The following CES2 variants were observed in gnomAD, a reference collection of about 807,000 sequenced individuals.
The protein encoded by CES2 is cocaine esterase.
A neutral mutation model predicts 52.1 loss-of-function variants in CES2; 42 were observed. The observed-to-expected ratio is 0.81, with a 90% confidence interval of 0.63 to 1.04. The LOEUF is 1.04. Among genes scored for constraint, CES2 ranks in the 50% least tolerant of loss-of-function variants. The pLI is 0.00. For synonymous variants in CES2, 277 were observed against 289.6 expected, an observed-to-expected ratio of 0.96 and a Z score of 0.44; for missense variants, 656 against 724.3, an observed-to-expected ratio of 0.91 and a Z score of 1.08.
Position 66,941,144 on chromosome 16 carries a change from C to T in CES2, c.837C>T (p.Ala279=). Residue 279 remains alanine (A), a synonymous_variant, in exon 6 of 12, where the codon GCC becomes GCT. Coordinates refer to ENST00000317091, the MANE Select transcript of CES2 (RefSeq NM_001365405.1). ...VISTVVANLS[A]CDQVDSEALV... Reference sequence around the variant, plus strand: ...TACAGGTGGTGGCCAACCTGTCTGCCTGTGACCAAGTTGACTCTGAGGCCC... The same window carrying T: ...TACAGGTGGTGGCCAACCTGTCTGCTTGTGACCAAGTTGACTCTGAGGCCC... The T allele has an allele frequency of 1.2e-6, 2 of 1,614,018 alleles. No individual in the cohort carries two copies. Among genetic ancestry groups the T allele is most frequent in the South Asian group, 1.1e-5 (1 of 91,080 alleles).
chr16:66,944,057 G>C lies in CES2; in HGVS notation c.*32G>C, dbSNP rs781651679. On this transcript the variant is annotated 3_prime_UTR_variant, in exon 12 of 12. Coordinates refer to ENST00000317091, the MANE Select transcript of CES2 (RefSeq NM_001365405.1). Reference sequence around the variant, plus strand: ...GTGCCGGGGAGGAGGGGGTGGGTTCGCTGACAGGCGAGGGTCAGCCTGCTG... The same window carrying C: ...GTGCCGGGGAGGAGGGGGTGGGTTCCCTGACAGGCGAGGGTCAGCCTGCTG... 3 of 1,269,576 alleles carry C rather than the reference G, an allele frequency of 2.4e-6. No homozygotes were observed. Among genetic ancestry groups the C allele is most frequent in the Non-Finnish European group, 3.2e-6 (3 of 931,290 alleles). The allele number at this position is 1,269,576 out of a possible 1,614,324, so 78.6% of individuals were successfully genotyped here. A position where few individuals can be genotyped will look rare whatever the true frequency, so the allele number is the denominator to read the frequency against.
chr16:66,936,541 A>C (rs953786483), intron 1 of CES2, among the ~76,000 whole-genome samples: 1 of 152,092 alleles, frequency 6.6e-6, no homozygotes, highest in Non-Finnish European at 1.5e-5. Context: ...CAAGAACCAA[A>C]GAGCTCGTGG....
At chr16:66,937,926 A>G in intron 1 of CES2, 111 bp from the exon 2 acceptor site, 1 of 855,566 alleles carries the variant, frequency 1.2e-6, no homozygotes, top group Admixed American at 2.1e-5. Context: ...ATGTTTACAG[A>G]TCAGAGTCCC....
chr16:66,941,801 G>A lies in CES2; in HGVS notation c.1090G>A (p.Asp364Asn), dbSNP rs1371363548. The change falls in exon 8 of 12, where the codon GAC (aspartate) becomes AAC (asparagine). Residue 364 changes from aspartate to asparagine, a missense_variant. Coordinates refer to ENST00000317091, the MANE Select transcript of CES2 (RefSeq NM_001365405.1). Reference protein sequence around the residue: ...MRIYDTQKEMDREASQAALQK... With the variant: ...MRIYDTQKEMNREASQAALQK... ...GATCTATGATACCCAGAAGGAAATGGACAGAGAGGCCTCCCAGGCTGCTCT... is the reference window on the plus strand; with the variant it reads ...GATCTATGATACCCAGAAGGAAATGAACAGAGAGGCCTCCCAGGCTGCTCT... 1 of 1,614,156 alleles carries A rather than the reference G, an allele frequency of 6.2e-7. No homozygotes were observed. The highest frequency in any genetic ancestry group is 1.1e-5 in the South Asian group (1 of 91,086).
chr16:66,939,259 C>T lies in CES2; in HGVS notation c.324C>T (p.Ser108=), dbSNP rs750128963. The T allele has an allele frequency of 6.2e-7, 1 of 1,613,796 alleles. No individual in the cohort carries two copies. Among genetic ancestry groups the T allele is most frequent in the South Asian group, 1.1e-5 (1 of 91,074 alleles). ...DLTAVESEFL[S]QFNMTFPSDS... ...CCGCAGTGGAGTCAGAGTTTCTTAG[C>T]CAGTTCAACATGACCTTCCCTTCCG... The change falls in exon 3 of 12, where the codon AGC becomes AGT. Residue 108 remains serine, a synonymous_variant. Coordinates refer to ENST00000317091, the MANE Select transcript of CES2 (RefSeq NM_001365405.1).
At chr16:66,935,957 G>GC in intron 1 of CES2, 1 of 1,411,960 alleles carries the variant, frequency 7.1e-7, no homozygotes, top group South Asian at 1.5e-5. Context: ...CCCCAGGAGC[G>GC]CCGGGACATG....
chr16:66,940,330 C>T lies in CES2; in HGVS notation c.532C>T (p.Arg178Cys). The T allele has an allele frequency of 2.5e-6, 4 of 1,614,098 alleles. No homozygotes were observed. The highest frequency in any genetic ancestry group is 1.7e-5 in the Admixed American group (1 of 60,018). Reference protein sequence around the residue: ...ENVVVVIIQYRLGVLGFFSTG... With the variant: ...ENVVVVIIQYCLGVLGFFSTG... ...CGTGGTGGTGGTCATCATCCAGTAC[C>T]GCCTGGGTGTCCTGGGCTTCTTCAG... is the stretch of plus-strand genomic sequence containing the variant. The change falls in exon 4 of 12, where the codon CGC (arginine) becomes TGC (cysteine). Residue 178 changes from arginine (R) to cysteine (C), a missense_variant. Arg to Cys is a radical substitution (Grantham distance 180). Coordinates refer to ENST00000317091, the MANE Select transcript of CES2 (RefSeq NM_001365405.1).
chr16:66,936,634 A>C (rs1963223022), intron 1 of CES2, among the ~76,000 whole-genome samples: 1 of 152,196 alleles, frequency 6.6e-6, no homozygotes, highest in African/African-American at 2.4e-5. Context: ...TGTGCCTGCC[A>C]GGCTTCTCCA....
chr16:66,937,169 C>G (rs1963235443), intron 1 of CES2, among the ~76,000 whole-genome samples: 1 of 152,134 alleles, frequency 6.6e-6, no homozygotes, highest in Non-Finnish European at 1.5e-5. Flanking sequence ...AGATGGCGAC[C>G]TTGTCTGACA....
In CES2 at chr16:66,941,859, T is replaced by C. The variant is rs745596645; in HGVS notation, c.1137+11T>C. ...ATGTTAACGCTGCTGGTAAGGCTCC[T>C]GGGGTCCCTCGCCAATGGAGACGGG... On this transcript the variant is annotated intron_variant, in intron 8 of 11. Transcript: ENST00000317091. The C allele has an allele frequency of 1.2e-6, 2 of 1,613,970 alleles. No individual in the cohort carries two copies. Among genetic ancestry groups the C allele is most frequent in the Non-Finnish European group, 1.7e-6 (2 of 1,179,996 alleles).
At chr16:66,939,652 G>A (rs1963308056) in intron 3 of CES2, among the ~76,000 whole-genome samples, 1 of 152,244 alleles carries the variant, frequency 6.6e-6, no homozygotes, top group African/African-American at 2.4e-5. Context: ...TGCACCTTGA[G>A]GTGACCAAGA....
upstream of CES2, chr16:66,935,448 C>A: frequency 6.2e-7 from 1 of 1,601,116 alleles, no homozygotes; most frequent in Non-Finnish European, 8.5e-7. Context: ...CCACCTATGA[C>A]TGCTCAGTCC....
chr16:66,943,514 A>G lies in CES2; in HGVS notation c.1493+143A>G. On this transcript the variant is annotated intron_variant, in intron 11 of 11. Coordinates refer to ENST00000317091, the MANE Select transcript of CES2 (RefSeq NM_001365405.1). This position sits in a 1 kb window ranked among gnomAD's most constrained non-coding sequence, Gnocchi z 4.2. Reference sequence around the variant, plus strand: ...CCTTCCCCAGCTCCGGGACCCACTCAGACAGGGTGGGGGTGCGTGGGGCAG... The same window carrying G: ...CCTTCCCCAGCTCCGGGACCCACTCGGACAGGGTGGGGGTGCGTGGGGCAG... The G allele has an allele frequency of 1.2e-6, 1 of 848,210 alleles. No individual in the cohort carries two copies. Among genetic ancestry groups the G allele is most frequent in the Non-Finnish European group, 1.9e-6 (1 of 531,974 alleles). The allele number at this position is 848,210 out of a possible 1,614,324, so 52.5% of individuals were successfully genotyped here. A position where few individuals can be genotyped will look rare whatever the true frequency, so the allele number is the denominator to read the frequency against.
In CES2 at chr16:66,942,227, A is replaced by C; in HGVS notation, c.1260A>C (p.Ala420=). 1.2e-6 allele frequency: 2 copies of C among 1,612,876 alleles called. No homozygotes were observed. Among genetic ancestry groups the C allele is most frequent in the Non-Finnish European group, 1.7e-6 (2 of 1,179,226 alleles). Residue 420 remains alanine, a synonymous_variant, in exon 9 of 12, where the codon GCA becomes GCC. Transcript: ENST00000317091. ...MMADSMFVIP[A]LQVAHFQCSR... is the part of the protein sequence containing the mutation. Reference sequence around the variant, plus strand: ...CGGACTCCATGTTTGTGATCCCTGCACTCCAAGTAGCACATTTTCAGTGTG... The same window carrying C: ...CGGACTCCATGTTTGTGATCCCTGCCCTCCAAGTAGCACATTTTCAGTGTG...
chr16:66,942,687 A>G lies in CES2; in HGVS notation c.1322A>G (p.Gln441Arg). ...GTGTACTTCTACGAGTTCCAGCATC[A>G]GCCCAGCTGGCTCAAGAACATCAGG... is the stretch of plus-strand genomic sequence containing the variant. ...APVYFYEFQHQPSWLKNIRPP... is the reference protein window; with the variant it reads ...APVYFYEFQHRPSWLKNIRPP... The change falls in exon 10 of 12, where the codon CAG becomes CGG. Residue 441 changes from glutamine to arginine, a missense_variant. By Grantham distance (43) the Gln-to-Arg change is conservative (BLOSUM62 1). Coordinates refer to ENST00000317091, the MANE Select transcript of CES2 (RefSeq NM_001365405.1). 1.2e-6 allele frequency: 2 copies of G among 1,614,224 alleles called. No homozygotes were observed.
chr16:66,942,450 A>T, intron 9 of CES2, 198 bp from the exon 10 acceptor site: 2 of 788,132 alleles, frequency 2.5e-6, no homozygotes, highest in African/African-American at 1.7e-5. Context: ...AATTGAAGTT[A>T]GGGACCTTCA....
chr16:66,937,089 G>A (rs896549279), intron 1 of CES2, among the ~76,000 whole-genome samples: 11 of 151,722 alleles, frequency 7.3e-5, no homozygotes, highest in Non-Finnish European at 1.3e-4. Flanking sequence ...TGTGGCGGGA[G>A]GATCTCAAGC....
At position 66,935,626 on chromosome 16, in the gene CES2, C is replaced by A. The variant is rs772000014; in HGVS notation, c.-10C>A. On this transcript the variant is annotated 5_prime_UTR_variant, in exon 1 of 12. Coordinates refer to ENST00000317091, the MANE Select transcript of CES2 (RefSeq NM_001365405.1). ...TCCGCCGGCAGCGAACCGAGACCAG[C>A]GAGCCGACCATGCGGCTGCACAGAC... is the stretch of plus-strand genomic sequence containing the variant. 24 of 1,607,220 alleles carry A rather than the reference C, an allele frequency of 1.5e-5. No homozygotes were observed. In the South Asian group the frequency reaches 2.5e-4, roughly 17 times the overall value.
intron 7 of CES2, 28 bp from the exon 8 acceptor site, chr16:66,941,740 A>C (rs780940513): frequency 4.0e-5 from 65 of 1,613,936 alleles, no homozygotes; most frequent in Non-Finnish European, 5.1e-5. Context: ...TCCCATCCCC[A>C]GCTACAGACT....
Sources: gnomAD v4.1 joint callset for allele counts (sites outside exome capture counted in the v4.1 genomes callset) on GRCh38, gnomAD v4.1.1 for gene constraint, Gnocchi (gnomAD v3.1) non-coding constraint, MANE v1.5 for transcripts, NCBI Gene and HGNC (gene_info 2026-07-23, HGNC 2026-07-21) for gene names.